Variants in POU2F1 observed in about 807,000 individuals in gnomAD.
The protein encoded by POU2F1 is POU domain, class 2, transcription factor 1.
Under a neutral mutation model 84.9 loss-of-function variants are expected in POU2F1, and 16 were observed. The observed-to-expected ratio is 0.19, with a 90% confidence interval of 0.13 to 0.29. The LOEUF is 0.29. POU2F1 is among the 10% of genes least tolerant of loss of function. POU2F1 has a pLI of 1.00. For synonymous variants in POU2F1, 368 were observed against 368.3 expected (o/e 1.00, Z 0.01); for missense variants, 738 against 942.6 (o/e 0.78, Z 2.84).
chr1:167,405,705 C>T (rs910924524), intron 13 of POU2F1, among the ~76,000 whole-genome samples: 36 of 151,998 alleles, frequency 2.4e-4, no homozygotes, highest in African/African-American at 8.5e-4. Flanking sequence ...TAAAAAAAAG[C>T]CGTGAAGGAT....
At chr1:167,317,499 A>G (rs1372477144) in intron 1 of POU2F1, among the ~76,000 whole-genome samples, 1 of 152,212 alleles carries the variant, frequency 6.6e-6, no homozygotes, top group African/African-American at 2.4e-5. Flanking sequence ...CCACGAACAG[A>G]GCTTTACCCA....
chr1:167,357,792 TATTA>T lies in POU2F1; in HGVS notation c.128-7671_128-7668del, dbSNP rs199713611. 4.8e-3 allele frequency among the ~76,000 whole-genome samples: 729 copies of T among 151,262 alleles called. 5 individuals are homozygous for T. The highest frequency in any genetic ancestry group is 0.017 in the African/African-American group (682 of 40,914). ...GCCCTTTATTGAACTTGGTGAATCT[TATTA>T]ATTGATTTTTTTTTTTTTTTTTTTT... On this transcript the variant is annotated intron_variant, in intron 2 of 15. Transcript: ENST00000367866.
chr1:167,401,050 C>T (rs1418366862), intron 12 of POU2F1, among the ~76,000 whole-genome samples: 1 of 151,988 alleles, frequency 6.6e-6, no homozygotes, highest in Non-Finnish European at 1.5e-5. Context: ...TAAAAGTTTG[C>T]TTCACATTAT....
Position 167,344,220 on chromosome 1 carries a change from T to C in POU2F1, c.127+11685T>C, listed in dbSNP as rs147961391. Among the ~76,000 whole-genome samples, 848 of 152,300 alleles carry C rather than the reference T, an allele frequency of 5.6e-3. 3 individuals carry two copies. Among genetic ancestry groups the C allele is most frequent in the Middle Eastern group, 0.017 (5 of 294 alleles). On this transcript the variant is annotated intron_variant, in intron 2 of 15. Coordinates refer to ENST00000367866, the MANE Select transcript of POU2F1 (RefSeq NM_002697.4). ...ATTTCCATTATCACAGAAAGTTCTA[T>C]TGGACAGTGCTTAAGTAGACTAAGA...
chr1:167,228,920 C>T (rs1381113629), intron 1 of POU2F1, among the ~76,000 whole-genome samples: 1 of 152,104 alleles, frequency 6.6e-6, no homozygotes, highest in Admixed American at 6.5e-5. Flanking sequence ...TCAGTTAGTC[C>T]TTTCAGGCAA....
At chr1:167,358,105 T>G (rs921678188) in intron 2 of POU2F1, among the ~76,000 whole-genome samples, 1 of 150,742 alleles carries the variant, frequency 6.6e-6, no homozygotes, top group Non-Finnish European at 1.5e-5. Context: ...TCTGGCCTAA[T>G]TGATCTTTTT....
intron 13 of POU2F1, among the ~76,000 whole-genome samples, chr1:167,409,841 ACCCATAGG>A (rs1192172616): frequency 6.6e-6 from 1 of 152,222 alleles, no homozygotes; most frequent in African/African-American, 2.4e-5. Flanking sequence ...GGGAAGTAGT[ACCCATAGG>A]TAAAATCAGG....
intron 1 of POU2F1, among the ~76,000 whole-genome samples, chr1:167,317,880 G>A (rs1374660327): frequency 6.6e-6 from 1 of 152,210 alleles, no homozygotes; most frequent in Non-Finnish European, 1.5e-5. Flanking sequence ...GATGATAAAA[G>A]CAAAGGTGGC....
intron 2 of POU2F1, among the ~76,000 whole-genome samples, chr1:167,344,329 A>G (rs917505405): frequency 1.3e-5 from 2 of 152,188 alleles, no homozygotes; most frequent in African/African-American, 4.8e-5. Context: ...CTGCCATAGG[A>G]GCCTTAAAAT....
At chr1:167,316,727 C>T (rs937770800) in intron 1 of POU2F1, among the ~76,000 whole-genome samples, 7 of 152,002 alleles carry the variant, frequency 4.6e-5, no homozygotes, top group African/African-American at 1.7e-4. Context: ...AGAGAGAAAA[C>T]ATAAATTACC....
At chr1:167,358,432 TTTG>T (rs1486256236) in intron 2 of POU2F1, among the ~76,000 whole-genome samples, 159 of 152,108 alleles carry the variant, frequency 1.0e-3, no homozygotes, top group African/African-American at 3.6e-3. Flanking sequence ...TGTTTCTGGT[TTTG>T]TTGTTCTCTG....
At position 167,418,855 on chromosome 1, in the gene POU2F1, T is replaced by TA. The variant is rs1390333081; in HGVS notation, c.*3051dup. Reference sequence around the variant, plus strand: ...AGCACTTGATGAGGGTAGACCAGCATAAAAAATCTGTTTAAAAGAAGAAAT... The same window carrying TA: ...AGCACTTGATGAGGGTAGACCAGCATAAAAAAATCTGTTTAAAAGAAGAAAT... On this transcript the variant is annotated 3_prime_UTR_variant, in exon 16 of 16. Transcript: ENST00000367866. The TA allele has an allele frequency of 6.6e-6, 1 of 152,142 alleles. No individual in the cohort carries two copies. The highest frequency in any genetic ancestry group is 1.9e-4 in the East Asian group (1 of 5,196). 9.4% of individuals were successfully genotyped at this position (152,142 alleles called of 1,614,324 possible).
In POU2F1 at chr1:167,417,954, C is replaced by T. The variant is rs1571481769; in HGVS notation, c.*2144C>T. On this transcript the variant is annotated 3_prime_UTR_variant, in exon 16 of 16. Transcript: ENST00000367866. ...TTTAATTACCACCCCTAAATTTCCTCCTCTTACCCTTCACCTTCCCTAAAA... is the reference window on the plus strand; with the variant it reads ...TTTAATTACCACCCCTAAATTTCCTTCTCTTACCCTTCACCTTCCCTAAAA... The T allele has an allele frequency of 1.3e-5, 2 of 152,196 alleles. No individual in the cohort carries two copies. The highest frequency in any genetic ancestry group is 1.5e-5 in the Non-Finnish European group (1 of 68,030). The allele number at this position is 152,196 out of a possible 1,614,324, so 9.4% of individuals were successfully genotyped here. A position where few individuals can be genotyped will look rare whatever the true frequency, so the allele number is the denominator to read the frequency against.
intron 9 of POU2F1, among the ~76,000 whole-genome samples, chr1:167,393,739 A>G (rs907585071): frequency 2.0e-5 from 3 of 152,074 alleles, no homozygotes; most frequent in African/African-American, 7.2e-5. Context: ...TTAAATTGTT[A>G]CTTTTATAAT....
chr1:167,277,389 T>C (rs909913875), intron 1 of POU2F1, among the ~76,000 whole-genome samples: 4 of 151,930 alleles, frequency 2.6e-5, no homozygotes, highest in African/African-American at 7.3e-5. Context: ...TGACACAGTT[T>C]AGGAACTAAA....
At chr1:167,303,554 A>G (rs1654858509) in intron 1 of POU2F1, 1 of 154,214 alleles carries the variant, frequency 6.5e-6, no homozygotes, top group Non-Finnish European at 1.5e-5. Flanking sequence ...TCAAAGAAAG[A>G]ATGCAGTCTT....
At chr1:167,224,790 C>G (rs1648495891) in intron 1 of POU2F1, among the ~76,000 whole-genome samples, 1 of 151,002 alleles carries the variant, frequency 6.6e-6, no homozygotes, top group South Asian at 2.1e-4. Flanking sequence ...AAGTAGTTTC[C>G]TGCGTATTTC....
chr1:167,303,231 G>A (rs560982035), intron 1 of POU2F1, among the ~76,000 whole-genome samples: 3 of 152,066 alleles, frequency 2.0e-5, no homozygotes, highest in Admixed American at 6.5e-5. Flanking sequence ...AGCACCATAC[G>A]ACACATATTC....
chr1:167,404,812 T>C (rs1207707525), intron 13 of POU2F1, among the ~76,000 whole-genome samples: 3 of 152,212 alleles, frequency 2.0e-5, no homozygotes, highest in African/African-American at 7.2e-5. Context: ...TTATGGTTGA[T>C]TTCTCCACCA....
Sources: gnomAD v4.1 joint callset for allele counts (sites outside exome capture counted in the v4.1 genomes callset) on GRCh38, gnomAD v4.1.1 for gene constraint, MANE v1.5 for transcripts, NCBI Gene and HGNC (gene_info 2026-07-23, HGNC 2026-07-21) for gene names.